TMPRSS6: variants seen among roughly 807,000 people sequenced by gnomAD.
The protein encoded by TMPRSS6 is transmembrane protease serine 6.
A neutral mutation model predicts 101.5 loss-of-function variants in TMPRSS6; 67 were observed. The observed-to-expected ratio is 0.66, with a 90% CI of 0.54 to 0.81. The LOEUF (loss-of-function observed/expected upper bound fraction) is 0.81. Among genes scored for constraint, TMPRSS6 ranks in the 30% least tolerant of loss-of-function variants. The probability of loss-of-function intolerance (pLI) is 0.00; values close to 1 mark genes in which losing one functional copy is unlikely to be tolerated. For synonymous variants in TMPRSS6, 453 were observed against 464.9 expected, an observed-to-expected ratio of 0.97 and a Z score of 0.33; for missense variants, 1,034 against 1,088.7, an observed-to-expected ratio of 0.95 and a Z score of 0.71.
rs139272700 is a variant in TMPRSS6, at chr22:37,070,591, C to T, written c.1734G>A (p.Glu578=). Residue 578 remains glutamate, a synonymous_variant, in exon 15 of 18, where the codon GAG becomes GAA. Transcript: ENST00000676104. ...CCTGGAGGCTGGCCTGCCATGGCCACTCACCCTCGGAGGACACAGCTCCAC... is the reference window on the plus strand; with the variant it reads ...CCTGGAGGCTGGCCTGCCATGGCCATTCACCCTCGGAGGACACAGCTCCAC... ...IVGGAVSSEG[E]WPWQASLQVR... is the part of the protein sequence containing the mutation. The T allele has an allele frequency of 2.5e-6, 4 of 1,613,256 alleles. No homozygotes were observed. The highest frequency in any genetic ancestry group is 1.3e-5 in the African/African-American group (1 of 75,050).
chr22:37,065,819 A>T lies in TMPRSS6; in HGVS notation c.*261T>A. On this transcript the variant is annotated 3_prime_UTR_variant, in exon 18 of 18. Coordinates refer to ENST00000676104, the MANE Select transcript of TMPRSS6 (RefSeq NM_001374504.1). ...AGGCAGCAGTGGAGGAAGGGGACGG[A>T]GGAGAGAGAATTGGGAGGCAGAAGG... The T allele has an allele frequency of 1.8e-6, 1 of 551,854 alleles. No homozygotes were observed. Among genetic ancestry groups the T allele is most frequent in the Non-Finnish European group, 3.3e-6 (1 of 305,358 alleles). 34.2% of individuals were successfully genotyped at this position (551,854 alleles called of 1,614,324 possible). A position where few individuals can be genotyped will look rare whatever the true frequency, so the allele number is the denominator to read the frequency against.
chr22:37,083,296 C>T (rs1414904801), intron 10 of TMPRSS6, among the ~76,000 whole-genome samples: 1 of 152,128 alleles, frequency 6.6e-6, no homozygotes, highest in African/African-American at 2.4e-5. Context: ...CAATATTCCT[C>T]TTCTCTCTCC....
intron 13 of TMPRSS6, among the ~76,000 whole-genome samples, chr22:37,071,352 G>C (rs5756506): frequency 0.47 from 70,690 of 151,998 alleles, 18,834 homozygotes; most frequent in African/African-American, 0.74. Flanking sequence ...ACCAGGGTCC[G>C]CACCTAGCCT....
chr22:37,070,651 G>T lies in TMPRSS6; in HGVS notation c.1674C>A (p.Asp558Glu), dbSNP rs1926809627. ...CRDGSDEEHC[D>E]CGLQGPSSRI... The stretch of plus-strand genomic sequence containing the variant: ...GGCTGGAGGGGCCCTGGAGGCCACA[G>T]TCTGGGGATGGGGGCAGGTGGTGGG... The change falls in exon 15 of 18, where the codon GAC (aspartate) becomes GAA (glutamate). Residue 558 changes from aspartate (D) to glutamate (E), a missense_variant and splice_region_variant. Asp to Glu is a conservative substitution (Grantham distance 45). Transcript: ENST00000676104. 1 of 1,612,606 alleles carries T rather than the reference G, an allele frequency of 6.2e-7. No individual in the cohort carries two copies. Among genetic ancestry groups the T allele is most frequent in the African/African-American group, 1.3e-5 (1 of 74,930 alleles).
Position 37,095,930 on chromosome 22 carries a change from C to T in TMPRSS6, c.565G>A (p.Asp189Asn). The change falls in exon 5 of 18, where the codon GAC (aspartate) becomes AAC (asparagine). Residue 189 changes from aspartate to asparagine, a missense_variant. Asp to Asn is a conservative substitution (Grantham distance 23, BLOSUM62 1). Transcript: ENST00000676104. The part of the protein sequence containing the change: ...AVPYRAEYEV[D>N]PEGLVILEAS... ...CCCAGGATCACTAGGCCCTCGGGGT[C>T]CACTTCGTACTCGGCCCTGTAGGGG... is the stretch of plus-strand genomic sequence containing the variant. 2 of 1,614,148 alleles carry T rather than the reference C, an allele frequency of 1.2e-6. No homozygotes were observed. Among genetic ancestry groups the T allele is most frequent in the Non-Finnish European group, 1.7e-6 (2 of 1,180,010 alleles).
At chr22:37,105,622 C>G (rs1253533856) in intron 1 of TMPRSS6, among the ~76,000 whole-genome samples, 1 of 152,178 alleles carries the variant, frequency 6.6e-6, no homozygotes, top group Non-Finnish European at 1.5e-5. Context: ...GCCCTTCTTT[C>G]AGTCCCTCGT....
At position 37,069,345 on chromosome 22, in the gene TMPRSS6, C is replaced by T; in HGVS notation, c.1842-1G>A. 4.8e-6 allele frequency: 2 copies of T among 418,074 alleles called. No homozygotes were observed. The highest frequency in any genetic ancestry group is 3.5e-5 in the South Asian group (1 of 28,618). 25.9% of individuals were successfully genotyped at this position (418,074 alleles called of 1,614,324 possible). A position where few individuals can be genotyped will look rare whatever the true frequency, so the allele number is the denominator to read the frequency against. On this transcript the variant is annotated splice_acceptor_variant, in intron 15 of 17. Transcript: ENST00000676104. LOFTEE classifies it high-confidence loss of function. This position sits in a 1 kb window ranked among gnomAD's most constrained non-coding sequence, Gnocchi z 4.8. ...GGTCCACAGCACCGTGGAGGCCATG[C>T]TGGGGTGGGGTGGGGTGGGGTGGGG...
chr22:37,094,079 C>A (rs2146143533), intron 6 of TMPRSS6, among the ~76,000 whole-genome samples: 1 of 152,088 alleles, frequency 6.6e-6, no homozygotes, highest in Non-Finnish European at 1.5e-5. Context: ...CAGCAATTGA[C>A]CAGATTCGGT....
intron 3 of TMPRSS6, among the ~76,000 whole-genome samples, chr22:37,096,966 C>G (rs558777272): frequency 1.3e-5 from 2 of 152,298 alleles, no homozygotes; most frequent in South Asian, 4.1e-4. Context: ...CTGATGACCC[C>G]TCTGCCCCTT....
Position 37,096,179 on chromosome 22 carries a change from C to T in TMPRSS6, c.405-89G>A, listed in dbSNP as rs573327569. 2.3e-3 allele frequency: 3,340 copies of T among 1,438,130 alleles called. 9 individuals carry two copies. The highest frequency in any genetic ancestry group is 2.9e-3 in the Non-Finnish European group (3,007 of 1,032,340). 89.1% of individuals were successfully genotyped at this position (1,438,130 alleles called of 1,614,324 possible). On this transcript the variant is annotated intron_variant, in intron 4 of 17. Coordinates refer to ENST00000676104, the MANE Select transcript of TMPRSS6 (RefSeq NM_001374504.1). ...CTGCTCATGCACATCGAGCACTTTC[C>T]GCACCTCAGCCATTGCTGTCCGTCT...
chr22:37,103,103 C>T lies in TMPRSS6; in HGVS notation c.202+113G>A. On this transcript the variant is annotated intron_variant, in intron 2 of 17. Coordinates refer to ENST00000676104, the MANE Select transcript of TMPRSS6 (RefSeq NM_001374504.1). The surrounding 1 kb of genome is among the most constrained non-coding windows in gnomAD (Gnocchi z 4.4). ...CAGAAGTGACTTGCCCAAGGTCACA[C>T]AGCAATATGCTAAGCACGGCTGAGC... 1.7e-6 allele frequency: 2 copies of T among 1,146,300 alleles called. No individual in the cohort carries two copies. Among genetic ancestry groups the T allele is most frequent in the Non-Finnish European group, 2.6e-6 (2 of 781,186 alleles). 71.0% of individuals were successfully genotyped at this position (1,146,300 alleles called of 1,614,324 possible). A position where few individuals can be genotyped will look rare whatever the true frequency, so the allele number is the denominator to read the frequency against.
At chr22:37,110,137 CTTTTTTTTTTT>C (rs55809648), upstream of TMPRSS6, among the ~76,000 whole-genome samples, 4 of 87,066 alleles carry the variant, frequency 4.6e-5, no homozygotes, top group African/African-American at 1.8e-4. Context: ...CTACCTCGTT[CTTTTTTTTTTT>C]TTTTTTTTTT....
At chr22:37,074,346 T>C (rs374742567) in intron 12 of TMPRSS6, among the ~76,000 whole-genome samples, 3 of 152,066 alleles carry the variant, frequency 2.0e-5, no homozygotes, top group African/African-American at 7.2e-5. Context: ...GGACAGGGGC[T>C]GGGGGTGATG....
chr22:37,074,465 G>A (rs527996272), intron 12 of TMPRSS6, 145 bp downstream of exon 12: 91 of 780,818 alleles, frequency 1.2e-4, no homozygotes, highest in South Asian at 5.9e-4. Context: ...TTGCCACCCC[G>A]GCACAGTGAG....
In TMPRSS6 at chr22:37,070,830, C is replaced by G. The variant is rs141684830; in HGVS notation, c.1672+86G>C. 8.5e-4 allele frequency: 1,209 copies of G among 1,423,652 alleles called. 5 individuals carry two copies. The African/African-American group carries it at 9.6e-3, about 11-fold the overall frequency. 88.2% of individuals were successfully genotyped at this position (1,423,652 alleles called of 1,614,324 possible). On this transcript the variant is annotated intron_variant, in intron 14 of 17. Coordinates refer to ENST00000676104, the MANE Select transcript of TMPRSS6 (RefSeq NM_001374504.1). Reference sequence around the variant, plus strand: ...GATGAGATAGAGAGAGACCAGGGGACAACAGTGAGATTTCCCTCCAGCTTC... The same window carrying G: ...GATGAGATAGAGAGAGACCAGGGGAGAACAGTGAGATTTCCCTCCAGCTTC...
chr22:37,099,245 C>T (rs965684254), intron 2 of TMPRSS6, among the ~76,000 whole-genome samples: 2 of 152,174 alleles, frequency 1.3e-5, no homozygotes, highest in Admixed American at 6.5e-5. Flanking sequence ...GCAGAGGGAG[C>T]AGCATGGGGC....
At position 37,075,130 on chromosome 22, in the gene TMPRSS6, C is replaced by T. The variant is rs1454616800; in HGVS notation, c.1342+5G>A. The T allele has an allele frequency of 6.2e-7, 1 of 1,613,760 alleles. No homozygotes were observed. The highest frequency in any genetic ancestry group is 8.5e-7 in the Non-Finnish European group (1 of 1,180,038). On this transcript the variant is annotated splice_donor_5th_base_variant and intron_variant, in intron 11 of 17. Transcript: ENST00000676104. The stretch of plus-strand genomic sequence containing the variant: ...CAGGGGGTTCCCCCGGCTGCCCATA[C>T]TCACGGTCCGACTGGTTGTACAAGC...
chr22:37,093,643 T>G (rs1230176197), intron 6 of TMPRSS6, among the ~76,000 whole-genome samples: 1 of 150,272 alleles, frequency 6.7e-6, no homozygotes, highest in Non-Finnish European at 1.5e-5. Flanking sequence ...CCTCAGGTGA[T>G]CTGCCTGCCT....
At position 37,074,719 on chromosome 22, in the gene TMPRSS6, A is replaced by G. The variant is rs971956588; in HGVS notation, c.1343-11T>C. On this transcript the variant is annotated splice_polypyrimidine_tract_variant and intron_variant, in intron 11 of 17. Transcript: ENST00000676104. The stretch of plus-strand genomic sequence containing the variant: ...ACTCTCCAGGGCAGGCTGCAAAACC[A>G]CAGGGGACCGTGGAGGCAGGCAGGG... 8 of 1,613,794 alleles carry G rather than the reference A, an allele frequency of 5.0e-6. No individual in the cohort carries two copies. Among genetic ancestry groups the G allele is most frequent in the African/African-American group, 1.3e-5 (1 of 74,938 alleles).
Sources: gnomAD v4.1 joint callset for allele counts (sites outside exome capture counted in the v4.1 genomes callset) on GRCh38, gnomAD v4.1.1 for gene constraint, Gnocchi (gnomAD v3.1) non-coding constraint, MANE v1.5 for transcripts, NCBI Gene and HGNC (gene_info 2026-07-23, HGNC 2026-07-21) for gene names.